LYPLAL1: variants seen among roughly 807,000 people sequenced by gnomAD.
The protein encoded by LYPLAL1 is lysophospholipase like 1.
A neutral mutation model predicts 19.7 loss-of-function variants in LYPLAL1; 23 were observed. The ratio of observed to expected loss-of-function variants is 1.17; its 90% CI spans 0.84 to 1.65. The LOEUF is 1.65. Ranked by LOEUF, LYPLAL1 falls within the 40% of genes most tolerant of loss-of-function variation. LYPLAL1 has a pLI of 0.00. For missense variants in LYPLAL1, 355 were observed against 279.4 expected, an observed-to-expected ratio of 1.27 and a Z score of -1.93; for synonymous variants, 119 against 96.3, an observed-to-expected ratio of 1.24 and a Z score of -1.38.
chr1:219,345,760 G>C, the LYPLAL1 span, among the ~76,000 whole-genome samples: 1 of 151,802 alleles, frequency 6.6e-6, no homozygotes, highest in Non-Finnish European at 1.5e-5. Context: ...GAAGGTTTTT[G>C]AAAAAAGGGA....
chr1:219,260,137 G>T, the LYPLAL1 span, among the ~76,000 whole-genome samples: 1 of 151,802 alleles, frequency 6.6e-6, no homozygotes, highest in African/African-American at 2.4e-5. Flanking sequence ...TCAAAATAAA[G>T]TTTAAAGGTT....
intron 3 of LYPLAL1, among the ~76,000 whole-genome samples, chr1:219,207,270 A>C (rs569613393): frequency 3.9e-5 from 6 of 152,162 alleles, no homozygotes; most frequent in African/African-American, 1.4e-4. Context: ...TTAATTTTGA[A>C]TTATTTGCCA....
the LYPLAL1 span, among the ~76,000 whole-genome samples, chr1:219,234,829 C>T: frequency 1.3e-5 from 2 of 152,106 alleles, no homozygotes; most frequent in Non-Finnish European, 2.9e-5. Flanking sequence ...GCACATTGAG[C>T]AGTCCCTAAG....
chr1:219,217,379 G>GGGGT (rs1553304603), downstream of LYPLAL1, among the ~76,000 whole-genome samples: 29 of 134,048 alleles, frequency 2.2e-4, no homozygotes, highest in Non-Finnish European at 4.1e-4. Context: ...TGCCAGGTTT[G>GGGGT]GTGTGTGTGT....
the LYPLAL1 span, among the ~76,000 whole-genome samples, chr1:219,314,345 T>G: frequency 3.3e-5 from 5 of 152,380 alleles, 1 homozygote; most frequent in South Asian, 1.0e-3. Flanking sequence ...TACCCAATAA[T>G]GGGATTGCTG....
the LYPLAL1 span, among the ~76,000 whole-genome samples, chr1:219,342,506 A>G: frequency 6.6e-6 from 1 of 152,146 alleles, no homozygotes; most frequent in African/African-American, 2.4e-5. Flanking sequence ...ATGAGCAACA[A>G]ACTCCATTGT....
the LYPLAL1 span, among the ~76,000 whole-genome samples, chr1:219,234,144 A>G: frequency 6.6e-6 from 1 of 152,212 alleles, no homozygotes; most frequent in East Asian, 1.9e-4. Context: ...ACCTTATAAG[A>G]TCATTTGAGA....
intron 2 of LYPLAL1, among the ~76,000 whole-genome samples, chr1:219,186,305 C>A (rs543665484): frequency 2.6e-5 from 4 of 151,722 alleles, no homozygotes; most frequent in Non-Finnish European, 5.9e-5. Flanking sequence ...TTCTGCGTGT[C>A]ACGTTCTATA....
the LYPLAL1 span, among the ~76,000 whole-genome samples, chr1:219,287,231 C>G: frequency 6.6e-6 from 1 of 152,188 alleles, no homozygotes; most frequent in South Asian, 2.1e-4. Flanking sequence ...GCTGCCCAGA[C>G]TTCTTAGTCC....
At chr1:219,373,863 C>CAAAAAAAAAAAAAAAAAAAAA in the LYPLAL1 span, among the ~76,000 whole-genome samples, 3 of 102,216 alleles carry the variant, frequency 2.9e-5, no homozygotes, top group Non-Finnish European at 6.0e-5. Flanking sequence ...ATAAAATTGT[C>CAAAAAAAAAAAAAAAAAAAAA]AAAAAAAAAA....
intron 2 of LYPLAL1, among the ~76,000 whole-genome samples, chr1:219,181,460 T>G (rs1026148633): frequency 6.6e-6 from 1 of 151,928 alleles, no homozygotes; most frequent in Non-Finnish European, 1.5e-5. Flanking sequence ...TTTTCACTTA[T>G]TAGTAGCAAA....
At chr1:219,310,019 A>G in the LYPLAL1 span, among the ~76,000 whole-genome samples, 1 of 152,202 alleles carries the variant, frequency 6.6e-6, no homozygotes, top group Admixed American at 6.5e-5. Context: ...AAAATTTAGC[A>G]TTTAAAAGGT....
At chr1:219,237,753 A>G in the LYPLAL1 span, among the ~76,000 whole-genome samples, 1 of 152,066 alleles carries the variant, frequency 6.6e-6, no homozygotes, top group Admixed American at 6.5e-5. Context: ...GGGTTTTATC[A>G]TAGCACCTTA....
At chr1:219,324,597 T>A in the LYPLAL1 span, among the ~76,000 whole-genome samples, 1 of 152,114 alleles carries the variant, frequency 6.6e-6, no homozygotes, top group African/African-American at 2.4e-5. Context: ...TGTATTATAG[T>A]GTTAGGATTA....
chr1:219,375,621 A>AT, the LYPLAL1 span, among the ~76,000 whole-genome samples: 1 of 151,924 alleles, frequency 6.6e-6, no homozygotes, highest in African/African-American at 2.4e-5. Context: ...AAACAATGAC[A>AT]TTTTTTACAG....
At chr1:219,181,368 TAA>T (rs910341722) in intron 2 of LYPLAL1, among the ~76,000 whole-genome samples, 2 of 152,180 alleles carry the variant, frequency 1.3e-5, no homozygotes, top group Admixed American at 6.5e-5. Flanking sequence ...TTTTAGAACT[TAA>T]AGAGGAGTTC....
chr1:219,422,894 G>A, the LYPLAL1 span, among the ~76,000 whole-genome samples: 6 of 152,116 alleles, frequency 3.9e-5, no homozygotes, highest in African/African-American at 1.4e-4. Flanking sequence ...AGTCATCTTT[G>A]GTCATTCACT....
At chr1:219,443,389 T>G in the LYPLAL1 span, among the ~76,000 whole-genome samples, 3 of 152,328 alleles carry the variant, frequency 2.0e-5, no homozygotes, top group South Asian at 6.2e-4. Context: ...TAAGCTTTAC[T>G]TTTTACAGTG....
the LYPLAL1 span, among the ~76,000 whole-genome samples, chr1:219,243,316 G>T: frequency 6.6e-6 from 1 of 151,996 alleles, no homozygotes; most frequent in Non-Finnish European, 1.5e-5. Flanking sequence ...AATTAAGAAG[G>T]CCTGTGTCTA....
Sources: allele counts gnomAD v4.1 joint callset (sites outside exome capture counted in the v4.1 genomes callset), GRCh38; gene constraint gnomAD v4.1.1; transcripts MANE v1.5; gene names NCBI Gene and HGNC (gene_info 2026-07-23, HGNC 2026-07-21).